The following PTPRG variants were observed in gnomAD, a reference collection of about 807,000 sequenced individuals.
PTPRG encodes protein tyrosine phosphatase receptor type G, also known as receptor-type tyrosine-protein phosphatase gamma.
A neutral mutation model predicts 165.3 loss-of-function variants in PTPRG; 102 were observed. The ratio of observed to expected loss-of-function variants is 0.62; its 90% CI spans 0.53 to 0.73. The LOEUF is 0.73. PTPRG is among the 30% of genes least tolerant of loss of function. The pLI is 0.00. For synonymous variants in PTPRG, 675 were observed against 669.5 expected (o/e 1.01, Z -0.13); for missense variants, 1,866 against 1,861.4 (o/e 1.00, Z -0.05).
At chr3:61,686,038 C>T (rs1395960271) in intron 1 of PTPRG, among the ~76,000 whole-genome samples, 1 of 152,194 alleles carries the variant, frequency 6.6e-6, no homozygotes, top group Non-Finnish European at 1.5e-5. Context: ...CAGGACCCTG[C>T]ACCGTGAGGA....
intron 2 of PTPRG, among the ~76,000 whole-genome samples, chr3:61,788,501 A>G (rs1422286266): frequency 6.6e-6 from 1 of 152,250 alleles, no homozygotes; most frequent in Non-Finnish European, 1.5e-5. Flanking sequence ...ACAATGACAA[A>G]TTCTCAAATA....
At chr3:62,277,103 G>A in intron 25 of PTPRG, 55 bp downstream of exon 25, 1 of 1,349,244 alleles carries the variant, frequency 7.4e-7, no homozygotes, top group Non-Finnish European at 1.1e-6. Context: ...AGGTGTTAAA[G>A]AGCAGATACC....
chr3:62,211,212 G>C (rs1259502723), intron 12 of PTPRG, among the ~76,000 whole-genome samples: 1 of 152,194 alleles, frequency 6.6e-6, no homozygotes, highest in Non-Finnish European at 1.5e-5. Context: ...GCTACAACAT[G>C]GATGAACCCT....
intron 1 of PTPRG, among the ~76,000 whole-genome samples, chr3:61,671,504 T>G (rs1392145663): frequency 1.3e-5 from 2 of 149,828 alleles, no homozygotes; most frequent in African/African-American, 4.9e-5. Context: ...TTTTTCTTAG[T>G]ACAGAACAAA....
chr3:62,047,448 G>C (rs1303335458), intron 4 of PTPRG, among the ~76,000 whole-genome samples: 1 of 151,996 alleles, frequency 6.6e-6, no homozygotes, highest in Non-Finnish European at 1.5e-5. Context: ...TTTTAGTAGA[G>C]ATGGGGTTTC....
intron 2 of PTPRG, among the ~76,000 whole-genome samples, chr3:61,957,762 T>A (rs1174553755): frequency 6.6e-6 from 1 of 152,238 alleles, no homozygotes; most frequent in Non-Finnish European, 1.5e-5. Flanking sequence ...AGCCCCTGTT[T>A]TCATGCGATT....
At position 62,215,534 on chromosome 3, in the gene PTPRG, C is replaced by T. The variant is rs1700474408; in HGVS notation, c.2156-3317C>T. 2.0e-5 allele frequency among the ~76,000 whole-genome samples: 3 copies of T among 149,530 alleles called. No individual in the cohort carries two copies. The South Asian group carries it at 6.6e-4, about 33-fold the overall frequency. On this transcript the variant is annotated intron_variant, in intron 12 of 29. Coordinates refer to ENST00000474889, the MANE Select transcript of PTPRG (RefSeq NM_002841.4). The stretch of plus-strand genomic sequence containing the variant: ...CAGTGGGATTTCAGATAGGCTCCAA[C>T]CCCCTACGGGAACCCCCCCCCCCCG...
In PTPRG at chr3:61,606,836, C is replaced by T. The variant is rs542157570; in HGVS notation, c.85+44464C>T. ...TCAGGGCCTCATCACCTCTTAAGGG[C>T]CCTAACTATTATTACTATCACATTG... On this transcript the variant is annotated intron_variant, in intron 1 of 29. Transcript: ENST00000474889. Among the ~76,000 whole-genome samples, 15 of 152,290 alleles carry T rather than the reference C, an allele frequency of 9.8e-5. No homozygotes were observed. In the East Asian group the frequency reaches 2.9e-3, roughly 29 times the overall value.
intron 2 of PTPRG, among the ~76,000 whole-genome samples, chr3:61,844,007 A>G (rs1269417979): frequency 2.8e-5 from 4 of 142,998 alleles, no homozygotes; most frequent in African/African-American, 1.0e-4. Context: ...TCTGTCGCCC[A>G]GGCTGGAGTG....
chr3:61,581,552 T>C (rs1025184654), intron 1 of PTPRG, among the ~76,000 whole-genome samples: 1 of 151,928 alleles, frequency 6.6e-6, no homozygotes, highest in Non-Finnish European at 1.5e-5. Context: ...GCCACGAGAA[T>C]GTGAGAGGGG....
At chr3:62,081,315 T>G (rs528470559) in intron 5 of PTPRG, among the ~76,000 whole-genome samples, 3 of 152,124 alleles carry the variant, frequency 2.0e-5, no homozygotes, top group Non-Finnish European at 4.4e-5. Context: ...TTTACATAGA[T>G]AGCAGCTGTA....
chr3:62,137,654 G>A (rs544729317), intron 6 of PTPRG, among the ~76,000 whole-genome samples: 8 of 152,192 alleles, frequency 5.3e-5, no homozygotes, highest in South Asian at 2.1e-4. Context: ...AGAGACCACC[G>A]TGATCTTTTT....
chr3:61,929,832 G>T (rs2039314926), intron 2 of PTPRG, among the ~76,000 whole-genome samples: 1 of 152,294 alleles, frequency 6.6e-6, no homozygotes, highest in East Asian at 1.9e-4. Context: ...TTTCACATGT[G>T]CAGTTGATTA....
At chr3:62,184,186 A>G (rs1705776299) in intron 8 of PTPRG, among the ~76,000 whole-genome samples, 2 of 152,308 alleles carry the variant, frequency 1.3e-5, no homozygotes, top group South Asian at 4.1e-4. Context: ...AGAGGAATGC[A>G]CAGAGCCGGG....
At chr3:62,015,293 G>T (rs920670281) in intron 4 of PTPRG, among the ~76,000 whole-genome samples, 2 of 152,152 alleles carry the variant, frequency 1.3e-5, no homozygotes, top group African/African-American at 4.8e-5. Context: ...GCAGAGGCAG[G>T]AACCCGGGGC....
At chr3:61,711,816 C>T (rs996954029) in intron 1 of PTPRG, among the ~76,000 whole-genome samples, 2 of 152,050 alleles carry the variant, frequency 1.3e-5, no homozygotes, top group Non-Finnish European at 2.9e-5. Context: ...ATTTGTCTGT[C>T]TCTAAAACAT....
intron 3 of PTPRG, among the ~76,000 whole-genome samples, chr3:61,998,348 C>G (rs1311832874): frequency 1.3e-5 from 2 of 152,196 alleles, no homozygotes; most frequent in South Asian, 4.1e-4. Context: ...AGGATAATAA[C>G]CTTCCTAAAG....
intron 6 of PTPRG, among the ~76,000 whole-genome samples, chr3:62,134,409 G>A (rs1248704059): frequency 3.3e-5 from 5 of 152,228 alleles, no homozygotes; most frequent in African/African-American, 1.2e-4. Flanking sequence ...GGGAAGTGAA[G>A]TGCTGCCTTC....
rs189247418 is a variant in PTPRG, at chr3:61,966,205, A to G, written c.191-23420A>G. 2.0e-5 allele frequency among the ~76,000 whole-genome samples: 3 copies of G among 152,270 alleles called. No homozygotes were observed. The East Asian group carries it at 5.8e-4, about 29-fold the overall frequency. ...AAGGAATCATCTCGCATGCTTAACTATCTGCTGGCGAAATTTTTGATGCTG... is the reference window on the plus strand; with the variant it reads ...AAGGAATCATCTCGCATGCTTAACTGTCTGCTGGCGAAATTTTTGATGCTG... On this transcript the variant is annotated intron_variant, in intron 2 of 29. Coordinates refer to ENST00000474889, the MANE Select transcript of PTPRG (RefSeq NM_002841.4).
Sources: allele counts gnomAD v4.1 joint callset (sites outside exome capture counted in the v4.1 genomes callset), GRCh38; gene constraint gnomAD v4.1.1; transcripts MANE v1.5; gene names NCBI Gene and HGNC (gene_info 2026-07-23, HGNC 2026-07-21).